Variants in THRB observed in about 807,000 individuals in gnomAD.
The protein encoded by THRB is nuclear receptor subfamily 1 group A member 2.
THRB carries 12 observed loss-of-function variants against 47.8 expected under a neutral mutation model. The observed-to-expected ratio is 0.25, with a 90% CI of 0.16 to 0.41. The LOEUF (loss-of-function observed/expected upper bound fraction) is 0.41. Among genes scored for constraint, THRB ranks in the 10% least tolerant of loss-of-function variants. The pLI is 1.00. For synonymous variants in THRB, 218 were observed against 212.2 expected (o/e 1.03, Z -0.24); for missense variants, 348 against 589.2 (o/e 0.59, Z 4.24).
intron 1 of THRB, among the ~76,000 whole-genome samples, chr3:24,398,733 T>C (rs1206797202): frequency 6.6e-6 from 1 of 152,178 alleles, no homozygotes; most frequent in South Asian, 2.1e-4. Flanking sequence ...ACTGGGTATA[T>C]ACCCAAAGGA....
chr3:24,404,463 C>T lies in THRB; in HGVS notation c.-260-67092G>A, dbSNP rs551000646. ...TAACTGTTTGCGGATTAATTTTCTT[C>T]ACATACTTCAACAAAAAAGCATACC... On this transcript the variant is annotated intron_variant, in intron 1 of 10. Transcript: ENST00000646209. Among the ~76,000 whole-genome samples, 7 of 151,990 alleles carry T rather than the reference C, an allele frequency of 4.6e-5. No homozygotes were observed. The East Asian group carries it at 1.4e-3, about 30-fold the overall frequency.
chr3:24,487,784 C>T (rs989707601), intron 1 of THRB, among the ~76,000 whole-genome samples: 2 of 152,076 alleles, frequency 1.3e-5, no homozygotes, highest in African/African-American at 4.8e-5. Context: ...TATGGACATG[C>T]CAGTTGTTAA....
At chr3:24,469,705 G>T (rs772433661) in intron 1 of THRB, among the ~76,000 whole-genome samples, 11 of 152,202 alleles carry the variant, frequency 7.2e-5, no homozygotes, top group Non-Finnish European at 1.3e-4. Context: ...CTGTATAGAA[G>T]AATACATTTT....
At chr3:24,440,059 C>G (rs919698127) in intron 1 of THRB, among the ~76,000 whole-genome samples, 1 of 152,204 alleles carries the variant, frequency 6.6e-6, no homozygotes, top group South Asian at 2.1e-4. Context: ...TCCATTATGC[C>G]ACTGATTTAA....
intron 1 of THRB, among the ~76,000 whole-genome samples, chr3:24,345,023 AGC>A (rs2062920454): frequency 6.6e-6 from 1 of 152,124 alleles, no homozygotes; most frequent in Non-Finnish European, 1.5e-5. Flanking sequence ...TCCTGGATGA[AGC>A]CAAGGTTTGC....
At chr3:24,327,513 T>C (rs1030597944) in intron 2 of THRB, among the ~76,000 whole-genome samples, 1 of 152,176 alleles carries the variant, frequency 6.6e-6, no homozygotes, top group Non-Finnish European at 1.5e-5. Context: ...CAATTAATAT[T>C]CACTTAACCA....
chr3:24,378,693 T>C (rs1401885899), intron 1 of THRB, among the ~76,000 whole-genome samples: 1 of 152,056 alleles, frequency 6.6e-6, no homozygotes, highest in Non-Finnish European at 1.5e-5. Flanking sequence ...AGACAGGAAA[T>C]ATATGAACTG....
At chr3:24,324,222 A>G (rs975648524) in intron 2 of THRB, among the ~76,000 whole-genome samples, 1 of 151,924 alleles carries the variant, frequency 6.6e-6, no homozygotes, top group African/African-American at 2.4e-5. Flanking sequence ...GAAAGAAGTC[A>G]CTTTGTTAAC....
At chr3:24,402,781 A>C (rs2067523029) in intron 1 of THRB, among the ~76,000 whole-genome samples, 1 of 151,900 alleles carries the variant, frequency 6.6e-6, no homozygotes, top group African/African-American at 2.4e-5. Flanking sequence ...AACTCTTATA[A>C]TTTTTGACCC....
intron 5 of THRB, among the ~76,000 whole-genome samples, chr3:24,162,417 A>T (rs2039002885): frequency 6.6e-6 from 1 of 152,192 alleles, no homozygotes; most frequent in Non-Finnish European, 1.5e-5. Flanking sequence ...TAAATATCAT[A>T]TCTTCTGAGT....
At chr3:24,395,160 T>C (rs1353504497) in intron 1 of THRB, among the ~76,000 whole-genome samples, 2 of 152,042 alleles carry the variant, frequency 1.3e-5, no homozygotes, top group Non-Finnish European at 2.9e-5. Flanking sequence ...GCTAAAACTA[T>C]AAAACTCCTA....
chr3:24,330,963 G>C (rs2061886682), intron 2 of THRB, among the ~76,000 whole-genome samples: 1 of 152,152 alleles, frequency 6.6e-6, no homozygotes. Flanking sequence ...TTTTTGTGTA[G>C]ATTACACACA....
chr3:24,254,986 T>C (rs999102314), intron 3 of THRB, among the ~76,000 whole-genome samples: 7 of 152,218 alleles, frequency 4.6e-5, no homozygotes, highest in Non-Finnish European at 8.8e-5. Flanking sequence ...TTTGTGGTAG[T>C]TAGGAAACAT....
intron 1 of THRB, among the ~76,000 whole-genome samples, chr3:24,449,110 A>G (rs932939946): frequency 6.6e-6 from 1 of 152,216 alleles, no homozygotes; most frequent in Non-Finnish European, 1.5e-5. Flanking sequence ...AAGTTGGCCA[A>G]TGAAAGACAA....
intron 1 of THRB, among the ~76,000 whole-genome samples, chr3:24,441,409 C>G (rs1047174685): frequency 6.6e-6 from 1 of 152,152 alleles, no homozygotes; most frequent in African/African-American, 2.4e-5. Flanking sequence ...TAGTGAGGAA[C>G]TGTGGTAGAG....
chr3:24,362,546 G>C (rs2064151713), intron 1 of THRB, among the ~76,000 whole-genome samples: 1 of 151,942 alleles, frequency 6.6e-6, no homozygotes, highest in African/African-American at 2.4e-5. Flanking sequence ...ATCCAACACT[G>C]TACTTATTGA....
intron 1 of THRB, among the ~76,000 whole-genome samples, chr3:24,446,833 C>T (rs1224972395): frequency 6.6e-6 from 1 of 152,068 alleles, no homozygotes; most frequent in African/African-American, 2.4e-5. Flanking sequence ...AAGTTACTTC[C>T]TATAGCAATA....
intron 4 of THRB, among the ~76,000 whole-genome samples, chr3:24,207,240 T>C (rs2045483292): frequency 6.6e-6 from 1 of 151,992 alleles, no homozygotes. Flanking sequence ...GATGCAAAAA[T>C]CCTCAATAAA....
At chr3:24,139,578 G>A (rs1399842300) in intron 8 of THRB, among the ~76,000 whole-genome samples, 1 of 152,032 alleles carries the variant, frequency 6.6e-6, no homozygotes, top group Non-Finnish European at 1.5e-5. Context: ...TAGAGATGGA[G>A]TCTCGCTATG....
Sources: allele counts gnomAD v4.1 joint callset (sites outside exome capture counted in the v4.1 genomes callset), GRCh38; gene constraint gnomAD v4.1.1; transcripts MANE v1.5; gene names NCBI Gene and HGNC (gene_info 2026-07-23, HGNC 2026-07-21).